The following UTRN variants were observed in gnomAD, a reference collection of about 807,000 sequenced individuals.
The protein encoded by UTRN is utrophin.
Under a neutral mutation model 463.9 loss-of-function variants are expected in UTRN, and 283 were observed. The ratio of observed to expected loss-of-function variants is 0.61; its 90% CI spans 0.55 to 0.67. The LOEUF (loss-of-function observed/expected upper bound fraction) is 0.67. UTRN is among the 30% of genes least tolerant of loss of function. UTRN has a pLI of 0.00. For missense variants in UTRN, 3,922 were observed against 4,084.3 expected, an observed-to-expected ratio of 0.96 and a Z score of 1.08; for synonymous variants, 1,442 against 1,431.5, an observed-to-expected ratio of 1.01 and a Z score of -0.17.
chr6:144,720,235 A>C (rs1225489298), intron 53 of UTRN, among the ~76,000 whole-genome samples: 2 of 152,230 alleles, frequency 1.3e-5, no homozygotes, highest in Non-Finnish European at 2.9e-5. Context: ...TTTCTGCCCT[A>C]AGCCACGCCA....
At chr6:144,315,051 G>A (rs1775195352) in intron 2 of UTRN, among the ~76,000 whole-genome samples, 2 of 151,998 alleles carry the variant, frequency 1.3e-5, no homozygotes, top group Non-Finnish European at 1.5e-5. Context: ...GATCTCCTTT[G>A]CAAACAGAGG....
At chr6:144,441,751 G>A (rs7759204) in intron 13 of UTRN, among the ~76,000 whole-genome samples, 17,176 of 152,216 alleles carry the variant, frequency 0.11, 2,329 homozygotes, top group African/African-American at 0.32. Flanking sequence ...CCCCACCTCT[G>A]CAGCAAACTT....
intron 48 of UTRN, among the ~76,000 whole-genome samples, chr6:144,554,360 A>G (rs1217833521): frequency 6.6e-6 from 1 of 152,246 alleles, no homozygotes; most frequent in Non-Finnish European, 1.5e-5. Context: ...AGGTCTATAA[A>G]TACAACTGTA....
In UTRN at chr6:144,577,202, A is replaced by C; in HGVS notation, c.7393A>C (p.Thr2465Pro). 6.2e-7 allele frequency: 1 copy of C among 1,614,020 alleles called. No individual in the cohort carries two copies. The highest frequency in any genetic ancestry group is 8.5e-7 in the Non-Finnish European group (1 of 1,179,940). Reference sequence around the variant, plus strand: ...GAAGTGGATCCAAGAAGCAGAGACCACAGTGAATGTGCTTGTGGATGCCTC... The same window carrying C: ...GAAGTGGATCCAAGAAGCAGAGACCCCAGTGAATGTGCTTGTGGATGCCTC... ...FLKWIQEAET[T>P]VNVLVDASHR... The change falls in exon 51 of 75, where the codon ACA (threonine) becomes CCA (proline). Residue 2465 changes from threonine to proline, a missense_variant. Physicochemically the swap from Thr to Pro is conservative, Grantham distance 38 (BLOSUM62 -1). This residue lies in a region of UTRN where 1,309 missense variants were observed against 1,452.6 expected (regional missense o/e 0.90). Coordinates refer to ENST00000367545, the MANE Select transcript of UTRN (RefSeq NM_007124.3).
chr6:144,657,300 C>T (rs1410491628), intron 51 of UTRN, among the ~76,000 whole-genome samples: 1 of 148,792 alleles, frequency 6.7e-6, no homozygotes, highest in Non-Finnish European at 1.5e-5. Flanking sequence ...CTAGATTTGT[C>T]AATATCTTAG....
rs113162494 is a variant in UTRN, at chr6:144,511,030, C to T, written c.4851C>T (p.Gly1617=). 47 of 1,613,268 alleles carry T rather than the reference C, an allele frequency of 2.9e-5. 1 individual carries two copies. In the African/African-American group the frequency reaches 2.9e-4, roughly 10 times the overall value. ...SSAALQNLIE[G]SEPILEERLC... ...CTGCCCTGCAAAACTTGATTGAGGG[C>T]AGTGAGCCTATTTTAGAAGAGAGGC... The change falls in exon 35 of 75, where the codon GGC becomes GGT. Residue 1617 remains glycine, a synonymous_variant. Transcript: ENST00000367545.
chr6:144,615,005 A>G (rs1434800716), intron 51 of UTRN, among the ~76,000 whole-genome samples: 1 of 152,138 alleles, frequency 6.6e-6, no homozygotes, highest in East Asian at 1.9e-4. Context: ...CTTTCCCGAT[A>G]TTCATTTATA....
chr6:144,341,717 G>T (rs964225961), intron 2 of UTRN, among the ~76,000 whole-genome samples: 2 of 152,122 alleles, frequency 1.3e-5, no homozygotes, highest in African/African-American at 4.8e-5. Flanking sequence ...CAGGTGGAAA[G>T]AACTGATTTG....
At chr6:144,705,865 C>T (rs1029005931) in intron 53 of UTRN, among the ~76,000 whole-genome samples, 61 of 151,372 alleles carry the variant, frequency 4.0e-4, no homozygotes, top group Middle Eastern at 3.5e-3. Context: ...TTTAAAATTA[C>T]GTTACTATAA....
chr6:144,655,933 G>A (rs1779267532), intron 51 of UTRN, among the ~76,000 whole-genome samples: 1 of 152,122 alleles, frequency 6.6e-6, no homozygotes, highest in South Asian at 2.1e-4. Context: ...CATACCTATA[G>A]CTCTCTTCAT....
intron 19 of UTRN, among the ~76,000 whole-genome samples, chr6:144,455,253 A>G (rs1282434532): frequency 6.6e-6 from 1 of 152,224 alleles, no homozygotes; most frequent in African/African-American, 2.4e-5. Flanking sequence ...AATAAATTAA[A>G]TAGAATAGTA....
intron 54 of UTRN, among the ~76,000 whole-genome samples, chr6:144,741,146 G>A (rs1790024934): frequency 1.3e-5 from 2 of 152,158 alleles, no homozygotes; most frequent in Non-Finnish European, 1.5e-5. Context: ...CCTAGCAAAG[G>A]CATGAATTCT....
intron 41 of UTRN, among the ~76,000 whole-genome samples, chr6:144,529,277 TG>T (rs1428588022): frequency 6.6e-6 from 1 of 152,242 alleles, no homozygotes; most frequent in Non-Finnish European, 1.5e-5. Flanking sequence ...GAACGCAAGC[TG>T]ATCTCCAGTT....
At chr6:144,670,740 G>A (rs545397390) in intron 51 of UTRN, among the ~76,000 whole-genome samples, 2 of 152,198 alleles carry the variant, frequency 1.3e-5, no homozygotes, top group Non-Finnish European at 2.9e-5. Context: ...TTTTTCTGAT[G>A]TTATCTTCTA....
Position 144,557,299 on chromosome 6 carries a change from A to G in UTRN, c.7277A>G (p.Asn2426Ser), listed in dbSNP as rs1400211362. ...TTEYLKTSWI[N>S]LKQSIADRQN... is the part of the protein sequence containing the mutation. ...GAGTACTTAAAAACATCATGGATCA[A>G]TCTCAAACAAAGGTAAGTCTAAGGC... The change falls in exon 50 of 75, where the codon AAT (asparagine) becomes AGT (serine). Residue 2426 changes from asparagine (N) to serine (S), a missense_variant. This residue lies in a region of UTRN where 1,309 missense variants were observed against 1,452.6 expected (regional missense o/e 0.90). Coordinates refer to ENST00000367545, the MANE Select transcript of UTRN (RefSeq NM_007124.3). 4 of 1,613,172 alleles carry G rather than the reference A, an allele frequency of 2.5e-6. No homozygotes were observed. Among genetic ancestry groups the G allele is most frequent in the Admixed American group, 1.7e-5 (1 of 59,958 alleles).
intron 51 of UTRN, among the ~76,000 whole-genome samples, chr6:144,643,998 G>A (rs1778042646): frequency 6.6e-6 from 1 of 152,000 alleles, no homozygotes; most frequent in Non-Finnish European, 1.5e-5. Context: ...AAAATCGATG[G>A]GAAATTTTTC....
At chr6:144,417,292 T>C (rs1465319738) in intron 3 of UTRN, among the ~76,000 whole-genome samples, 2 of 152,022 alleles carry the variant, frequency 1.3e-5, no homozygotes, top group African/African-American at 4.8e-5. Context: ...TAGTCCTGTG[T>C]CTTCATAATT....
Position 144,537,655 on chromosome 6 carries a change from G to A in UTRN, c.6307G>A (p.Ala2103Thr). Residue 2103 changes from alanine (A) to threonine (T), a missense_variant, in exon 44 of 75, where the codon GCT (alanine) becomes ACT (threonine). Physicochemically the swap from Ala to Thr is moderately conservative, Grantham distance 58. This residue lies in a region of UTRN where 2,349 missense variants were observed against 2,303.8 expected (regional missense o/e 1.02). Transcript: ENST00000367545. Reference sequence around the variant, plus strand: ...TGAGATTATCTGTTGGTTAACAAAGGCTGAGCATGCTATGCAAAAGAGATC... The same window carrying A: ...TGAGATTATCTGTTGGTTAACAAAGACTGAGCATGCTATGCAAAAGAGATC... Reference protein sequence around the residue: ...LDEIICWLTKAEHAMQKRSTT... With the variant: ...LDEIICWLTKTEHAMQKRSTT... 1 of 1,612,552 alleles carries A rather than the reference G, an allele frequency of 6.2e-7. No homozygotes were observed. Among genetic ancestry groups the A allele is most frequent in the Non-Finnish European group, 8.5e-7 (1 of 1,179,398 alleles).
chr6:144,597,062 C>T (rs1562626192), intron 51 of UTRN, among the ~76,000 whole-genome samples: 1 of 152,022 alleles, frequency 6.6e-6, no homozygotes, highest in Non-Finnish European at 1.5e-5. Flanking sequence ...CATGGTGAAA[C>T]CTTGTCTCTA....
Sources: allele counts gnomAD v4.1 joint callset (sites outside exome capture counted in the v4.1 genomes callset), GRCh38; gene constraint gnomAD v4.1.1; regional missense constraint gnomAD v4.1.1; transcripts MANE v1.5; gene names NCBI Gene and HGNC (gene_info 2026-07-23, HGNC 2026-07-21).